Variants in MCCC2 observed in about 807,000 individuals in gnomAD.
The protein encoded by MCCC2 is methylcrotonyl-CoA carboxylase subunit 2.
Under a neutral mutation model 77.2 loss-of-function variants are expected in MCCC2, and 52 were observed. The ratio of observed to expected loss-of-function variants is 0.67; its 90% CI spans 0.54 to 0.85. The LOEUF (loss-of-function observed/expected upper bound fraction) is 0.85, where lower values mean the gene tolerates loss of function less well. Ranked by LOEUF, MCCC2 falls within the 40% of genes least tolerant of loss-of-function variation. The pLI is 0.00. For missense variants in MCCC2, 682 were observed against 703.2 expected (o/e 0.97, Z 0.34); for synonymous variants, 253 against 248.4 (o/e 1.02, Z -0.18).
intron 3 of MCCC2, among the ~76,000 whole-genome samples, chr5:71,598,745 C>T (rs571489264): frequency 2.0e-5 from 3 of 150,744 alleles, no homozygotes; most frequent in East Asian, 2.0e-4. Context: ...CATGAGCCAC[C>T]GTGCCTGGCC....
At chr5:71,611,979 AG>A (rs947603546) in intron 6 of MCCC2, among the ~76,000 whole-genome samples, 4 of 151,930 alleles carry the variant, frequency 2.6e-5, no homozygotes, top group Admixed American at 1.3e-4. Flanking sequence ...TAGTAGAGAC[AG>A]GGTTTCACCA....
chr5:71,615,898 C>T (rs376812230), intron 6 of MCCC2, among the ~76,000 whole-genome samples: 1 of 152,158 alleles, frequency 6.6e-6, no homozygotes, highest in Non-Finnish European at 1.5e-5. Context: ...TTAGTGGGCT[C>T]CTGGATGGTG....
intron 16 of MCCC2, among the ~76,000 whole-genome samples, chr5:71,655,892 A>C (rs567196035): frequency 6.6e-6 from 1 of 152,354 alleles, no homozygotes; most frequent in South Asian, 2.1e-4. Flanking sequence ...AAAGACCTAC[A>C]TTTGAAGGTA....
chr5:71,631,348 G>T (rs1746701851), intron 7 of MCCC2, among the ~76,000 whole-genome samples: 3 of 152,124 alleles, frequency 2.0e-5, no homozygotes, highest in African/African-American at 7.2e-5. Flanking sequence ...GAAGGCCTGG[G>T]CGGGTCAGGA....
intron 13 of MCCC2, among the ~76,000 whole-genome samples, chr5:71,648,521 G>A (rs994760628): frequency 1.6e-4 from 24 of 152,078 alleles, no homozygotes; most frequent in African/African-American, 5.8e-4. Flanking sequence ...AAGTTTCAAA[G>A]CATCACTTTA....
At position 71,607,269 on chromosome 5, in the gene MCCC2, A is replaced by C. The variant is rs1373401086; in HGVS notation, c.624+2801A>C. Reference sequence around the variant, plus strand: ...CAATTTCAGCTCCTGTTATTGGTCTATTCAGAGATTCAACTTCTTCCTGGT... The same window carrying C: ...CAATTTCAGCTCCTGTTATTGGTCTCTTCAGAGATTCAACTTCTTCCTGGT... On this transcript the variant is annotated intron_variant, in intron 6 of 16. Transcript: ENST00000340941. Among the ~76,000 whole-genome samples the C allele has an allele frequency of 3.3e-5, 5 of 152,220 alleles. No homozygotes were observed. In the East Asian group the frequency reaches 9.7e-4, roughly 29 times the overall value.
At chr5:71,593,401 T>G (rs1391614751) in intron 2 of MCCC2, among the ~76,000 whole-genome samples, 1 of 152,082 alleles carries the variant, frequency 6.6e-6, no homozygotes. Flanking sequence ...AGCTTTTGAC[T>G]CTTAAGACTA....
At chr5:71,597,428 G>A (rs1745231924) in intron 3 of MCCC2, among the ~76,000 whole-genome samples, 1 of 152,210 alleles carries the variant, frequency 6.6e-6, no homozygotes, top group African/African-American at 2.4e-5. Context: ...GCTTCTGGCT[G>A]CTGTGTTGTG....
chr5:71,587,920 C>A (rs988111170), intron 1 of MCCC2, among the ~76,000 whole-genome samples: 3 of 152,166 alleles, frequency 2.0e-5, no homozygotes, highest in Admixed American at 2.0e-4. Context: ...TTGGGAACCA[C>A]TGGCCTAGAG....
intron 15 of MCCC2, 126 bp downstream of exon 15, chr5:71,650,309 C>A: frequency 1.3e-6 from 1 of 742,418 alleles, no homozygotes; most frequent in Non-Finnish European, 2.4e-6. Context: ...CACTGCCTGG[C>A]CATATTTAGA....
At chr5:71,633,152 AG>A (rs1372500836) in intron 8 of MCCC2, among the ~76,000 whole-genome samples, 1 of 94,316 alleles carries the variant, frequency 1.1e-5, no homozygotes, top group African/African-American at 3.6e-5. Context: ...TTGTAGAAAC[AG>A]GTGTCTCACT....
intron 16 of MCCC2, 45 bp downstream of exon 16, chr5:71,652,799 A>T: frequency 6.6e-7 from 1 of 1,512,536 alleles, no homozygotes; most frequent in Non-Finnish European, 9.2e-7. Context: ...TGCAGATGGC[A>T]GTCAGAGGAA....
intron 2 of MCCC2, among the ~76,000 whole-genome samples, chr5:71,593,759 T>C (rs1377507139): frequency 1.3e-5 from 2 of 152,128 alleles, no homozygotes; most frequent in Non-Finnish European, 2.9e-5. Flanking sequence ...ATTCTTCATA[T>C]TTGATAGACT....
chr5:71,615,437 C>A (rs993434934), intron 6 of MCCC2, among the ~76,000 whole-genome samples: 8 of 152,136 alleles, frequency 5.3e-5, no homozygotes, highest in African/African-American at 1.9e-4. Flanking sequence ...CTTCATGCCA[C>A]TGGGGTGCCC....
intron 15 of MCCC2, among the ~76,000 whole-genome samples, chr5:71,650,974 AG>A (rs1172536550): frequency 3.9e-5 from 6 of 151,956 alleles, no homozygotes; most frequent in Admixed American, 3.9e-4. Flanking sequence ...TAGTAGAGAC[AG>A]GGTTTCACTA....
At chr5:71,593,364 A>G (rs1165448077) in intron 2 of MCCC2, among the ~76,000 whole-genome samples, 1 of 152,166 alleles carries the variant, frequency 6.6e-6, no homozygotes, top group Admixed American at 6.5e-5. Flanking sequence ...TGCTGCAATT[A>G]TAGGCGTGAG....
At chr5:71,628,858 T>TA (rs1199026146) in intron 7 of MCCC2, among the ~76,000 whole-genome samples, 1 of 152,128 alleles carries the variant, frequency 6.6e-6, no homozygotes, top group Non-Finnish European at 1.5e-5. Flanking sequence ...GATACGAAAA[T>TA]ACTGCTTAAA....
At chr5:71,591,618 G>T (rs1744986740) in intron 1 of MCCC2, among the ~76,000 whole-genome samples, 1 of 151,886 alleles carries the variant, frequency 6.6e-6, no homozygotes, top group South Asian at 2.1e-4. Flanking sequence ...GTATTTTTTA[G>T]TAGAGACGAG....
At chr5:71,607,984 C>T (rs1198099483) in intron 6 of MCCC2, among the ~76,000 whole-genome samples, 2 of 137,196 alleles carry the variant, frequency 1.5e-5, no homozygotes, top group African/African-American at 2.8e-5. Context: ...CTGAGGAGAG[C>T]TTTACTTCCA....
Sources: gnomAD v4.1 joint callset for allele counts (sites outside exome capture counted in the v4.1 genomes callset) on GRCh38, gnomAD v4.1.1 for gene constraint, MANE v1.5 for transcripts, NCBI Gene and HGNC (gene_info 2026-07-23, HGNC 2026-07-21) for gene names.